Variants in PTPRG observed in about 807,000 individuals in gnomAD.
The protein encoded by PTPRG is receptor-type tyrosine-protein phosphatase gamma.
Under a neutral mutation model 165.3 loss-of-function variants are expected in PTPRG, and 102 were observed. That is an observed-to-expected ratio of 0.62 (90% CI 0.53 to 0.73). The LOEUF (loss-of-function observed/expected upper bound fraction) is 0.73, where lower values mean the gene tolerates loss of function less well. Ranked by LOEUF, PTPRG falls within the 30% of genes least tolerant of loss-of-function variation. The pLI, the probability that PTPRG is intolerant of heterozygous loss-of-function variation, is 0.00. For missense variants in PTPRG, 1,866 were observed against 1,861.4 expected (o/e 1.00, Z -0.05); for synonymous variants, 675 against 669.5 (o/e 1.01, Z -0.13).
In PTPRG at chr3:62,170,055, G is replaced by C. The variant is rs114001029; in HGVS notation, c.1033+1892G>C. ...GTCTGTGTGATTTTGTTTGAGGTTA[G>C]TGAGGAGAAGTGAGTCAGGCACCAG... On this transcript the variant is annotated intron_variant, in intron 8 of 29. Coordinates refer to ENST00000474889, the MANE Select transcript of PTPRG (RefSeq NM_002841.4). 3.7e-3 allele frequency among the ~76,000 whole-genome samples: 565 copies of C among 152,248 alleles called. 5 individuals carry two copies. The highest frequency in any genetic ancestry group is 0.013 in the African/African-American group (541 of 41,556).
chr3:61,919,732 T>C (rs189945911), intron 2 of PTPRG, among the ~76,000 whole-genome samples: 38 of 152,310 alleles, frequency 2.5e-4, no homozygotes, highest in African/African-American at 9.1e-4. Flanking sequence ...TTGATTTATC[T>C]GTGGACCTGC....
At position 62,148,248 on chromosome 3, in the gene PTPRG, G is replaced by A. The variant is rs146092670; in HGVS notation, c.683-8819G>A. Among the ~76,000 whole-genome samples the A allele has an allele frequency of 1.4e-3, 207 of 152,312 alleles. 1 individual carries two copies. Among genetic ancestry groups the A allele is most frequent in the Middle Eastern group, 3.4e-3 (1 of 294 alleles). Reference sequence around the variant, plus strand: ...TGAAAAGGCATCATCTCTATGGAGGGTGGTGGGAGGGGAAGCATTCCAGGC... The same window carrying A: ...TGAAAAGGCATCATCTCTATGGAGGATGGTGGGAGGGGAAGCATTCCAGGC... On this transcript the variant is annotated intron_variant, in intron 6 of 29. Coordinates refer to ENST00000474889, the MANE Select transcript of PTPRG (RefSeq NM_002841.4).
chr3:61,898,962 G>A (rs994991608), intron 2 of PTPRG, among the ~76,000 whole-genome samples: 1 of 152,086 alleles, frequency 6.6e-6, no homozygotes, highest in Non-Finnish European at 1.5e-5. Flanking sequence ...AGGCTGGAGT[G>A]CGGCGGCGCC....
chr3:61,757,232 G>C (rs1000763022), intron 2 of PTPRG, among the ~76,000 whole-genome samples: 1 of 152,118 alleles, frequency 6.6e-6, no homozygotes, highest in African/African-American at 2.4e-5. Context: ...TTATCATTGA[G>C]AAATGAGGGA....
chr3:61,677,319 C>T (rs1703269349), intron 1 of PTPRG, among the ~76,000 whole-genome samples: 1 of 151,870 alleles, frequency 6.6e-6, no homozygotes, highest in Admixed American at 6.6e-5. Flanking sequence ...TGTGTTATAC[C>T]TGGCACCTAC....
intron 1 of PTPRG, among the ~76,000 whole-genome samples, chr3:61,657,561 C>T (rs1373926270): frequency 9.9e-5 from 15 of 152,162 alleles, no homozygotes; most frequent in African/African-American, 3.4e-4. Flanking sequence ...ATCAGTTGAA[C>T]CCAGGAGGTG....
rs199631360 is a variant in PTPRG at position 62,267,442 on chromosome 3, C to T, written c.2689C>T (p.Pro897Ser). 2 of 1,611,198 alleles carry T rather than the reference C, an allele frequency of 1.2e-6. No individual in the cohort carries two copies. The highest frequency in any genetic ancestry group is 8.5e-7 in the Non-Finnish European group (1 of 1,177,864). The change falls in exon 18 of 30, where the codon CCA (proline) becomes TCA (serine). Residue 897 changes from proline (P) to serine (S), a missense_variant. Coordinates refer to ENST00000474889, the MANE Select transcript of PTPRG (RefSeq NM_002841.4). ...DHSRVKLRPL[P>S]GKDSKHSDYI... ...CAGTAGGGTGAAGTTAAGACCTTTA[C>T]CAGGAAAAGACTCTAAGCACAGCGA... is the stretch of plus-strand genomic sequence containing the variant.
At chr3:62,118,082 A>G (rs17066105) in intron 5 of PTPRG, among the ~76,000 whole-genome samples, 92,357 of 152,092 alleles carry the variant, frequency 0.61, 28,318 homozygotes, top group Middle Eastern at 0.71. Flanking sequence ...CTAAGAGGGA[A>G]GTATTATTAA....
chr3:62,203,839 G>A lies in PTPRG; in HGVS notation c.2044G>A (p.Glu682Lys). Reference sequence around the variant, plus strand: ...CACCCAAGTGCCCCCCACCGCCACAGAGGAGCAGTATGCAGGGAGTGATCC... The same window carrying A: ...CACCCAAGTGCCCCCCACCGCCACAAAGGAGCAGTATGCAGGGAGTGATCC... Reference protein sequence around the residue: ...TSTQVPPTATEEQYAGSDPKR... With the variant: ...TSTQVPPTATKEQYAGSDPKR... The change falls in exon 12 of 30, where the codon GAG becomes AAG. Residue 682 changes from glutamate to lysine, a missense_variant. Physicochemically the swap from Glu to Lys is moderately conservative, Grantham distance 56. Coordinates refer to ENST00000474889, the MANE Select transcript of PTPRG (RefSeq NM_002841.4). This position sits in a 1 kb window ranked among gnomAD's most constrained non-coding sequence, Gnocchi z 6.4. 3 of 1,614,166 alleles carry A rather than the reference G, an allele frequency of 1.9e-6. No individual in the cohort carries two copies. Among genetic ancestry groups the A allele is most frequent in the Non-Finnish European group, 2.5e-6 (3 of 1,180,026 alleles).
At chr3:61,966,787 G>C (rs112497676) in intron 2 of PTPRG, among the ~76,000 whole-genome samples, 2 of 152,326 alleles carry the variant, frequency 1.3e-5, no homozygotes, top group African/African-American at 4.8e-5. Context: ...GGTAGAAGCG[G>C]ATCTAGTTGG....
chr3:62,225,812 G>A (rs1700752248), intron 13 of PTPRG, among the ~76,000 whole-genome samples: 1 of 151,764 alleles, frequency 6.6e-6, no homozygotes, highest in Non-Finnish European at 1.5e-5. Context: ...CCACCACCAC[G>A]CCCAGCTAAT....
intron 4 of PTPRG, among the ~76,000 whole-genome samples, chr3:62,044,827 T>C (rs1303025230): frequency 6.6e-6 from 1 of 152,212 alleles, no homozygotes; most frequent in Admixed American, 6.5e-5. Flanking sequence ...TTCTGTATTC[T>C]TATTTACTTT....
At chr3:61,979,254 T>A (rs981643809) in intron 2 of PTPRG, among the ~76,000 whole-genome samples, 10 of 152,240 alleles carry the variant, frequency 6.6e-5, no homozygotes, top group Admixed American at 2.0e-4. Flanking sequence ...GCACCGTTAC[T>A]GATAATATCT....
At chr3:62,090,116 A>G (rs1701879968) in intron 5 of PTPRG, among the ~76,000 whole-genome samples, 1 of 152,198 alleles carries the variant, frequency 6.6e-6, no homozygotes. Context: ...TGTTTGCACC[A>G]CATATAATAA....
At chr3:62,099,998 C>T (rs1702236676) in intron 5 of PTPRG, among the ~76,000 whole-genome samples, 2 of 151,852 alleles carry the variant, frequency 1.3e-5, no homozygotes, top group South Asian at 4.2e-4. Context: ...AGGGTTTCAC[C>T]ATGTTGACCA....
intron 1 of PTPRG, among the ~76,000 whole-genome samples, chr3:61,683,881 G>A (rs1036428200): frequency 1.5e-4 from 23 of 152,320 alleles, no homozygotes; most frequent in African/African-American, 4.6e-4. Context: ...ATAATAGCCT[G>A]TATGCACAAA....
intron 13 of PTPRG, among the ~76,000 whole-genome samples, chr3:62,221,494 C>G (rs57851123): frequency 6.6e-6 from 1 of 152,092 alleles, no homozygotes. Context: ...ATTATTAATG[C>G]GAAAGAAGAA....
intron 6 of PTPRG, among the ~76,000 whole-genome samples, chr3:62,137,840 T>C (rs930838877): frequency 1.3e-5 from 2 of 152,202 alleles, no homozygotes; most frequent in Non-Finnish European, 2.9e-5. Context: ...AAAACAGCAA[T>C]TTTAAAAAAA....
chr3:61,964,488 C>T (rs927811872), intron 2 of PTPRG, among the ~76,000 whole-genome samples: 18 of 152,218 alleles, frequency 1.2e-4, no homozygotes, highest in Admixed American at 7.2e-4. Context: ...CCTCCATTGC[C>T]GCTGCTAGAG....
Sources: gnomAD v4.1 joint callset for allele counts (sites outside exome capture counted in the v4.1 genomes callset) on GRCh38, gnomAD v4.1.1 for gene constraint, Gnocchi (gnomAD v3.1) non-coding constraint, MANE v1.5 for transcripts, NCBI Gene and HGNC (gene_info 2026-07-23, HGNC 2026-07-21) for gene names.